ANGEL2: variants seen among roughly 807,000 people sequenced by gnomAD.
ANGEL2 encodes angel homolog 2, also known as RNA 2',3'-cyclic phosphatase ANGEL2.
Under a neutral mutation model 66.0 loss-of-function variants are expected in ANGEL2, and 41 were observed. The observed-to-expected ratio is 0.62, with a 90% CI of 0.48 to 0.81. The LOEUF is 0.81. Ranked by LOEUF, ANGEL2 falls within the 30% of genes least tolerant of loss-of-function variation. The probability of loss-of-function intolerance (pLI) is 0.00; values close to 1 mark genes in which losing one functional copy is unlikely to be tolerated. For synonymous variants in ANGEL2, 208 were observed against 226.5 expected (o/e 0.92, Z 0.73); for missense variants, 561 against 641.6 (o/e 0.87, Z 1.36).
rs1437002588 is a variant in ANGEL2, at chr1:212,996,658, T to A, written c.1483+497A>T. 5.7e-4 allele frequency among the ~76,000 whole-genome samples: 77 copies of A among 134,572 alleles called. 1 individual carries two copies. The highest frequency in any genetic ancestry group is 1.9e-3 in the African/African-American group (70 of 37,066). 88.3% of individuals were successfully genotyped at this position (134,572 alleles called of 152,430 possible). ...AAAAAAAAATATATATATATATATA[T>A]ATATATATATATACTTTTCCTCCTC... On this transcript the variant is annotated intron_variant, in intron 8 of 8. Transcript: ENST00000366962.
At chr1:213,011,185 T>C in intron 2 of ANGEL2, 1 of 1,288,812 alleles carries the variant, frequency 7.8e-7, no homozygotes, top group South Asian at 1.2e-5. Context: ...CAACATAAAT[T>C]CACACTACAA....
chr1:212,995,624 G>A (rs2075973042), intron 8 of ANGEL2, among the ~76,000 whole-genome samples: 2 of 152,206 alleles, frequency 1.3e-5, no homozygotes. Flanking sequence ...CCACAGAAGT[G>A]AAGATGACAT....
In ANGEL2 at chr1:213,005,251, C is replaced by A; in HGVS notation, c.916G>T (p.Val306Leu). Reference sequence around the variant, plus strand: ...TTATACAACAGATGCGTATTTGCTACGCAGATTGCAGGGCAGGCAGCATAT... The same window carrying A: ...TTATACAACAGATGCGTATTTGCTAAGCAGATTGCAGGGCAGGCAGCATAT... ...IPYAACPAIC[V>L]ANTHLLYNPR... Residue 306 changes from valine (V) to leucine (L), a missense_variant, in exon 5 of 9, where the codon GTA (valine) becomes TTA (leucine). By Grantham distance (32) the Val-to-Leu change is conservative. Coordinates refer to ENST00000366962, the MANE Select transcript of ANGEL2 (RefSeq NM_144567.5). The A allele has an allele frequency of 6.2e-7, 1 of 1,614,204 alleles. No homozygotes were observed. The highest frequency in any genetic ancestry group is 1.1e-5 in the South Asian group (1 of 91,086).
chr1:213,008,309 T>C lies in ANGEL2; in HGVS notation c.543A>G (p.Glu181=). The change falls in exon 3 of 9, where the codon GAA becomes GAG. Residue 181 remains glutamate (E), a synonymous_variant. Coordinates refer to ENST00000366962, the MANE Select transcript of ANGEL2 (RefSeq NM_144567.5). ...AATGTCTATAAAGGTGAGAGTTATC[T>C]TCCAGTAAATCTTGTGAAAGTATAT... ...SYNILSQDLL[E]DNSHLYRHCR... is the part of the protein sequence containing the mutation. 1 of 1,614,206 alleles carries C rather than the reference T, an allele frequency of 6.2e-7. No individual in the cohort carries two copies. Among genetic ancestry groups the C allele is most frequent in the South Asian group, 1.1e-5 (1 of 91,086 alleles).
intron 5 of ANGEL2, 168 bp from the exon 6 acceptor site, chr1:213,001,080 C>T (rs753919534): frequency 4.8e-6 from 3 of 618,808 alleles, no homozygotes; most frequent in Non-Finnish European, 7.9e-6. Flanking sequence ...TCTTTAAATA[C>T]AATTCAGAAA....
At chr1:213,010,033 A>G (rs1463469142) in intron 2 of ANGEL2, among the ~76,000 whole-genome samples, 4 of 148,998 alleles carry the variant, frequency 2.7e-5, no homozygotes, top group Admixed American at 1.3e-4. Flanking sequence ...CCTGGGCAAC[A>G]AGAGTGAGAC....
chr1:212,996,578 A>G (rs1475465424), intron 8 of ANGEL2, among the ~76,000 whole-genome samples: 1 of 141,276 alleles, frequency 7.1e-6, no homozygotes, highest in Non-Finnish European at 1.5e-5. Context: ...GCCGAGAATC[A>G]TGCCACTGCA....
intron 8 of ANGEL2, among the ~76,000 whole-genome samples, chr1:212,996,638 AAAATAT>A (rs2076023071): frequency 1.9e-5 from 1 of 53,160 alleles, no homozygotes; most frequent in Admixed American, 3.1e-4. Context: ...AAAAAAAAAA[AAAATAT>A]ATATATATAT....
rs1239916419 is a variant in ANGEL2, at chr1:212,997,155, C to T, written c.1483G>A (p.Gly495Arg). 2 of 1,611,702 alleles carry T rather than the reference C, an allele frequency of 1.2e-6. No homozygotes were observed. Among genetic ancestry groups the T allele is most frequent in the Non-Finnish European group, 1.7e-6 (2 of 1,178,350 alleles). Residue 495 changes from glycine (G) to arginine (R), a missense_variant and splice_region_variant, in exon 8 of 9, where the codon GGA (glycine) becomes AGA (arginine). By Grantham distance (125) the Gly-to-Arg change is moderately radical. Coordinates refer to ENST00000366962, the MANE Select transcript of ANGEL2 (RefSeq NM_144567.5). The part of the protein sequence containing the change: ...AEKEDVAGHP[G>R]AEVALVGGLK... Reference sequence around the variant, plus strand: ...ATTTAAGATTACATGCATTCCTTACCTGGGTGCCCAGCAACATCTTCCTTT... The same window carrying T: ...ATTTAAGATTACATGCATTCCTTACTTGGGTGCCCAGCAACATCTTCCTTT...
chr1:213,001,606 T>A (rs1286622955), intron 5 of ANGEL2: 1 of 152,238 alleles, frequency 6.6e-6, no homozygotes, highest in Non-Finnish European at 1.5e-5. Context: ...CAGCCATTGA[T>A]GCTTCCTTTC....
At chr1:213,008,058 T>A (rs2076389341) in intron 3 of ANGEL2, 152 bp downstream of exon 3, 16 of 783,572 alleles carry the variant, frequency 2.0e-5, no homozygotes, top group Non-Finnish European at 2.2e-5. Flanking sequence ...GAGACGGGGT[T>A]TCTCCATGTT....
chr1:212,996,127 G>A (rs2075991222), intron 8 of ANGEL2, among the ~76,000 whole-genome samples: 1 of 152,050 alleles, frequency 6.6e-6, no homozygotes, highest in Admixed American at 6.5e-5. Context: ...CCAACACGGT[G>A]AAATCCCGTC....
At chr1:213,000,175 TG>T in intron 7 of ANGEL2, 150 bp downstream of exon 7, 1 of 649,008 alleles carries the variant, frequency 1.5e-6, no homozygotes, top group Non-Finnish European at 2.7e-6. Context: ...GAGTCAGGAC[TG>T]GAACTCAGGC....
At position 212,993,049 on chromosome 1, in the gene ANGEL2, G is replaced by C. The variant is rs1298731655; in HGVS notation, c.*1992C>G. The C allele has an allele frequency of 1.3e-5, 2 of 152,218 alleles. No individual in the cohort carries two copies. Among genetic ancestry groups the C allele is most frequent in the Admixed American group, 6.5e-5 (1 of 15,284 alleles). The allele number at this position is 152,218 out of a possible 1,614,324, so 9.4% of individuals were successfully genotyped here. ...AGGCCAGGCATGGTGGCTCATGCCTGTAATCACAGCACTTTGGGAGCCCGA... is the reference window on the plus strand; with the variant it reads ...AGGCCAGGCATGGTGGCTCATGCCTCTAATCACAGCACTTTGGGAGCCCGA... On this transcript the variant is annotated 3_prime_UTR_variant, in exon 9 of 9. Transcript: ENST00000366962.
chr1:213,004,620 A>G (rs571421990), intron 5 of ANGEL2, among the ~76,000 whole-genome samples: 103 of 152,260 alleles, frequency 6.8e-4, no homozygotes, highest in Non-Finnish European at 1.2e-3. Flanking sequence ...CTGTAATCCC[A>G]GCACTTTGGG....
chr1:213,013,930 A>C (rs1040931664), intron 1 of ANGEL2, among the ~76,000 whole-genome samples: 15 of 152,240 alleles, frequency 9.9e-5, no homozygotes, highest in Non-Finnish European at 1.5e-4. Flanking sequence ...TTAGGAAAAC[A>C]AAAGCCTATC....
intron 2 of ANGEL2, 85 bp downstream of exon 2, chr1:213,013,008 G>A: frequency 7.4e-7 from 1 of 1,351,562 alleles, no homozygotes; most frequent in South Asian, 1.4e-5. Context: ...TAAAACCTTA[G>A]GAGGTTTAAA....
chr1:213,001,079 A>G (rs2076166199), intron 5 of ANGEL2, 167 bp from the exon 6 acceptor site: 7 of 620,190 alleles, frequency 1.1e-5, no homozygotes, highest in Non-Finnish European at 2.6e-6. Context: ...TTCTTTAAAT[A>G]CAATTCAGAA....
Position 212,994,647 on chromosome 1 carries a change from G to A in ANGEL2, c.*394C>T, listed in dbSNP as rs1473719063. 6.5e-6 allele frequency: 1 copy of A among 153,120 alleles called. No individual in the cohort carries two copies. The highest frequency in any genetic ancestry group is 2.4e-5 in the African/African-American group (1 of 41,454). The allele number at this position is 153,120 out of a possible 1,614,324, so 9.5% of individuals were successfully genotyped here. Reference sequence around the variant, plus strand: ...TAATGAAATCAAGCCTTCTGGAAAGGAAACAACTTGTAGTTTGCAAGAACT... The same window carrying A: ...TAATGAAATCAAGCCTTCTGGAAAGAAAACAACTTGTAGTTTGCAAGAACT... On this transcript the variant is annotated 3_prime_UTR_variant, in exon 9 of 9. Transcript: ENST00000366962.
Sources: allele counts gnomAD v4.1 joint callset (sites outside exome capture counted in the v4.1 genomes callset), GRCh38; gene constraint gnomAD v4.1.1; transcripts MANE v1.5; gene names NCBI Gene and HGNC (gene_info 2026-07-23, HGNC 2026-07-21).